The following GOT2 variants were observed in gnomAD, a reference collection of about 807,000 sequenced individuals.
The protein encoded by GOT2 is glutamic-oxaloacetic transaminase 2.
Under a neutral mutation model 50.0 loss-of-function variants are expected in GOT2, and 17 were observed. That is an observed-to-expected ratio of 0.34 (90% CI 0.23 to 0.51). The LOEUF (loss-of-function observed/expected upper bound fraction) is 0.51. Ranked by LOEUF, GOT2 falls within the 20% of genes least tolerant of loss-of-function variation. The pLI, the probability that GOT2 is intolerant of heterozygous loss-of-function variation, is 0.97. For synonymous variants in GOT2, 172 were observed against 204.9 expected, an observed-to-expected ratio of 0.84 and a Z score of 1.37; for missense variants, 430 against 559.6, an observed-to-expected ratio of 0.77 and a Z score of 2.34.
intron 2 of GOT2, 49 bp downstream of exon 2, chr16:58,723,697 C>CA: frequency 6.6e-7 from 1 of 1,505,342 alleles, no homozygotes; most frequent in Middle Eastern, 1.7e-4. Flanking sequence ...CTCCAGGGCT[C>CA]TCTTCAGTTT....
At chr16:58,718,800 T>A (rs531260441) in intron 4 of GOT2, 112 bp from the exon 5 acceptor site, 1 of 862,100 alleles carries the variant, frequency 1.2e-6, no homozygotes, top group South Asian at 1.8e-5. Flanking sequence ...TTTCTCTCTA[T>A]GGTTGAGAAG....
chr16:58,730,875 C>T (rs1353018418), intron 1 of GOT2, among the ~76,000 whole-genome samples: 2 of 152,160 alleles, frequency 1.3e-5, no homozygotes, highest in Non-Finnish European at 2.9e-5. Flanking sequence ...TGATTTCTAT[C>T]AGTACATTTT....
chr16:58,723,751 G>A lies in GOT2; in HGVS notation c.241C>T (p.Arg81Cys), dbSNP rs201744006. ...NGKPYVLPSV[R>C]KAEAQIAAKN... ...GAGATGAACAGCAAGCTCACCTTGC[G>A]GACGCTAGGCAGAACGTAAGGCTTT... The change falls in exon 2 of 10, where the codon CGC (arginine) becomes TGC (cysteine). Residue 81 changes from arginine to cysteine, a missense_variant. By Grantham distance (180) the Arg-to-Cys change is radical (BLOSUM62 -3). Coordinates refer to ENST00000245206, the MANE Select transcript of GOT2 (RefSeq NM_002080.4). 3.6e-5 allele frequency: 58 copies of A among 1,611,712 alleles called. No individual in the cohort carries two copies. The highest frequency in any genetic ancestry group is 5.5e-5 in the South Asian group (5 of 90,992).
chr16:58,709,503 G>A lies in GOT2; in HGVS notation c.1084C>T (p.Leu362Phe), dbSNP rs753394924. 105 of 1,613,714 alleles carry A rather than the reference G, an allele frequency of 6.5e-5. No homozygotes were observed. The highest frequency in any genetic ancestry group is 8.6e-5 in the Non-Finnish European group (101 of 1,179,746). ...TTGTGGGTGGAACCCTCCTTCTTGA[G>A]GTTGGAGACCAGTTGAGTCCGCATG... The part of the protein sequence containing the change: ...IGMRTQLVSN[L>F]KKEGSTHNWQ... The change falls in exon 9 of 10, where the codon CTC becomes TTC. Residue 362 changes from leucine (L) to phenylalanine (F), a missense_variant. Transcript: ENST00000245206.
chr16:58,734,135 C>T lies in GOT2; in HGVS notation c.89+5G>A, dbSNP rs568318176. On this transcript the variant is annotated splice_donor_5th_base_variant and intron_variant, in intron 1 of 9. Coordinates refer to ENST00000245206, the MANE Select transcript of GOT2 (RefSeq NM_002080.4). Reference sequence around the variant, plus strand: ...CTGGCTCCATCTCCGTTTCCCTTGGCTTACCTGGCTCTGGCAGAGGCCGCG... The same window carrying T: ...CTGGCTCCATCTCCGTTTCCCTTGGTTTACCTGGCTCTGGCAGAGGCCGCG... 164 of 1,321,344 alleles carry T rather than the reference C, an allele frequency of 1.2e-4. 4 individuals are homozygous for T. The South Asian group carries it at 3.9e-3, about 32-fold the overall frequency. The allele number at this position is 1,321,344 out of a possible 1,614,324, so 81.9% of individuals were successfully genotyped here. A position where few individuals can be genotyped will look rare whatever the true frequency, so the allele number is the denominator to read the frequency against.
chr16:58,722,560 G>C (rs2044750943), intron 2 of GOT2, among the ~76,000 whole-genome samples: 1 of 151,844 alleles, frequency 6.6e-6, no homozygotes, highest in Non-Finnish European at 1.5e-5. Context: ...AGTAGATACG[G>C]GGTTTCACTA....
intron 6 of GOT2, 44 bp from the exon 7 acceptor site, chr16:58,716,857 G>C (rs1368457955): frequency 1.3e-6 from 2 of 1,580,360 alleles, no homozygotes; most frequent in Admixed American, 3.4e-5. Context: ...TCTTTCTGAA[G>C]AGGCCCCAGA....
At chr16:58,719,929 C>T (rs2044727501) in intron 3 of GOT2, among the ~76,000 whole-genome samples, 1 of 152,042 alleles carries the variant, frequency 6.6e-6, no homozygotes, top group African/African-American at 2.4e-5. Flanking sequence ...TGGCCGGGCG[C>T]AGTGGCTTAT....
At chr16:58,723,949 A>C (rs778371259) in intron 1 of GOT2, 47 bp from the exon 2 acceptor site, 23 of 1,539,496 alleles carry the variant, frequency 1.5e-5, no homozygotes, top group Non-Finnish European at 2.0e-5. Context: ...TAGATCCAAG[A>C]TCCATTTTAC....
At position 58,708,180 on chromosome 16, in the gene GOT2, G is replaced by C. The variant is rs368662602; in HGVS notation, c.1284C>G (p.Val428=). The C allele has an allele frequency of 3.1e-6, 5 of 1,613,950 alleles. No individual in the cohort carries two copies. The highest frequency in any genetic ancestry group is 4.2e-6 in the Non-Finnish European group (5 of 1,179,916). The change falls in exon 10 of 10, where the codon GTC becomes GTG. Residue 428 remains valine (V), a synonymous_variant. Transcript: ENST00000245206. The part of the protein sequence containing the change: ...VGYLAHAIHQ[V]TK ...CCTCGCACCAGGGACATTACTTGGT[G>C]ACCTGGTGAATGGCATGGGCAAGGT...
intron 1 of GOT2, 78 bp from the exon 2 acceptor site, chr16:58,723,980 C>A: frequency 7.5e-7 from 1 of 1,325,412 alleles, no homozygotes. Context: ...ATGAGATAGA[C>A]TCTTGCTCTG....
chr16:58,727,353 C>T (rs1418083227), intron 1 of GOT2, among the ~76,000 whole-genome samples: 1 of 148,002 alleles, frequency 6.8e-6, no homozygotes, highest in Admixed American at 7.0e-5. Context: ...ATGACTTCAC[C>T]TACAATATAA....
intron 8 of GOT2, among the ~76,000 whole-genome samples, chr16:58,710,129 T>C (rs2044634453): frequency 6.6e-6 from 1 of 152,112 alleles, no homozygotes; most frequent in Admixed American, 6.6e-5. Context: ...AACTCCAAGG[T>C]TCAAGCAATC....
chr16:58,721,544 T>C (rs1359311077), intron 3 of GOT2: 1 of 152,172 alleles, frequency 6.6e-6, no homozygotes, highest in African/African-American at 2.4e-5. Context: ...TAAAGCATAT[T>C]TGATGTAAAA....
At chr16:58,723,265 TAAAAATATAAC>T (rs1350221817) in intron 2 of GOT2, among the ~76,000 whole-genome samples, 1 of 152,074 alleles carries the variant, frequency 6.6e-6, no homozygotes, top group Non-Finnish European at 1.5e-5. Flanking sequence ...ATGCTACTAA[TAAAAATATAAC>T]AAAAGAAAGA....
chr16:58,714,507 C>G (rs2044675183), intron 8 of GOT2, among the ~76,000 whole-genome samples: 4 of 150,880 alleles, frequency 2.7e-5, no homozygotes, highest in African/African-American at 2.4e-5. Context: ...AGCCGAGATC[C>G]CGCCACTGCA....
At chr16:58,712,106 C>T (rs2044653558) in intron 8 of GOT2, among the ~76,000 whole-genome samples, 1 of 152,154 alleles carries the variant, frequency 6.6e-6, no homozygotes, top group African/African-American at 2.4e-5. Context: ...GCCCTTTCCC[C>T]TCTTTAATGC....
At chr16:58,729,687 A>T (rs185609595) in intron 1 of GOT2, among the ~76,000 whole-genome samples, 11 of 151,860 alleles carry the variant, frequency 7.2e-5, no homozygotes, top group African/African-American at 2.7e-4. Context: ...CTCAGAAACC[A>T]TAGACTTGTG....
chr16:58,726,471 G>A (rs142546204), intron 1 of GOT2, among the ~76,000 whole-genome samples: 99 of 109,404 alleles, frequency 9.0e-4, no homozygotes, highest in African/African-American at 4.0e-3. Context: ...GGCGTGAGCC[G>A]CCCCCGGCCT....
Sources: allele counts gnomAD v4.1 joint callset (sites outside exome capture counted in the v4.1 genomes callset), GRCh38; gene constraint gnomAD v4.1.1; transcripts MANE v1.5; gene names NCBI Gene and HGNC (gene_info 2026-07-23, HGNC 2026-07-21).